Variants in CADM2 observed in about 807,000 individuals in gnomAD.
The protein encoded by CADM2 is immunoglobulin superfamily member 4D.
A neutral mutation model predicts 49.8 loss-of-function variants in CADM2; 12 were observed. The ratio of observed to expected loss-of-function variants is 0.24; its 90% CI spans 0.15 to 0.39. The LOEUF is 0.39. Ranked by LOEUF, CADM2 falls within the 10% of genes least tolerant of loss-of-function variation. The pLI, the probability that CADM2 is intolerant of heterozygous loss-of-function variation, is 1.00. For missense variants in CADM2, 378 were observed against 492.3 expected, an observed-to-expected ratio of 0.77 and a Z score of 2.20; for synonymous variants, 214 against 175.4, an observed-to-expected ratio of 1.22 and a Z score of -1.74.
intron 1 of CADM2, among the ~76,000 whole-genome samples, chr3:85,656,150 T>C (rs1161690971): frequency 1.3e-5 from 2 of 152,144 alleles, no homozygotes; most frequent in Non-Finnish European, 2.9e-5. Flanking sequence ...GCTATGATCC[T>C]AACTTTTTTA....
At chr3:85,712,593 C>G (rs964455881) in intron 1 of CADM2, among the ~76,000 whole-genome samples, 1 of 152,140 alleles carries the variant, frequency 6.6e-6, no homozygotes, top group African/African-American at 2.4e-5. Flanking sequence ...GACCTGAGTA[C>G]TGTTACCTAT....
intron 3 of CADM2, among the ~76,000 whole-genome samples, chr3:85,854,237 G>A (rs572694603): frequency 6.6e-6 from 1 of 152,126 alleles, no homozygotes; most frequent in Admixed American, 6.6e-5. Context: ...AAAATAATGT[G>A]GGTGTTCTAA....
chr3:85,754,730 G>A (rs1186998906), intron 2 of CADM2, among the ~76,000 whole-genome samples: 2 of 152,092 alleles, frequency 1.3e-5, no homozygotes, highest in African/African-American at 4.8e-5. Flanking sequence ...AGCCATTACT[G>A]ATTATTTCAA....
intron 1 of CADM2, among the ~76,000 whole-genome samples, chr3:85,108,665 CTT>C (rs2038338935): frequency 6.6e-6 from 1 of 151,434 alleles, no homozygotes; most frequent in Admixed American, 6.6e-5. Flanking sequence ...AAACAGTAAA[CTT>C]TATATTATGT....
intron 2 of CADM2, among the ~76,000 whole-genome samples, chr3:85,775,105 G>A (rs1488212507): frequency 6.6e-6 from 1 of 151,554 alleles, no homozygotes; most frequent in Non-Finnish European, 1.5e-5. Context: ...AATAAGGAGT[G>A]AACAAAATTC....
intron 1 of CADM2, among the ~76,000 whole-genome samples, chr3:85,381,768 T>C (rs2033923494): frequency 6.6e-6 from 1 of 152,038 alleles, no homozygotes; most frequent in South Asian, 2.1e-4. Context: ...GGCTGCAGGA[T>C]GTGGGATGAC....
chr3:85,502,480 T>G (rs1576668868), intron 1 of CADM2, among the ~76,000 whole-genome samples: 1 of 151,890 alleles, frequency 6.6e-6, no homozygotes. Context: ...ATATATATTG[T>G]TAAAAAAAAA....
intron 1 of CADM2, among the ~76,000 whole-genome samples, chr3:85,184,325 A>G (rs978951232): frequency 9.9e-5 from 15 of 152,158 alleles, no homozygotes; most frequent in Non-Finnish European, 7.4e-5. Context: ...TAAGTGGGAC[A>G]ATGCAGAAAA....
At chr3:85,902,502 A>C (rs1383577487) in intron 5 of CADM2, among the ~76,000 whole-genome samples, 1 of 151,836 alleles carries the variant, frequency 6.6e-6, no homozygotes, top group Non-Finnish European at 1.5e-5. Context: ...ATTTTTAATC[A>C]ACTCACCTGT....
chr3:85,330,319 A>T (rs2044881559), intron 1 of CADM2, among the ~76,000 whole-genome samples: 1 of 152,108 alleles, frequency 6.6e-6, no homozygotes, highest in Admixed American at 6.6e-5. Flanking sequence ...CTCTCATAGC[A>T]CTTATCACCT....
At chr3:85,434,660 A>G (rs1000913699) in intron 1 of CADM2, among the ~76,000 whole-genome samples, 2 of 152,126 alleles carry the variant, frequency 1.3e-5, no homozygotes, top group Non-Finnish European at 2.9e-5. Flanking sequence ...ATAAAACTTC[A>G]TTCTACGTAT....
rs150150622 is a variant in CADM2, at chr3:85,438,186, T to C, written c.62-288336T>C. On this transcript the variant is annotated intron_variant, in intron 1 of 9. Coordinates refer to ENST00000383699, the MANE Select transcript of CADM2 (RefSeq NM_001167675.2). ...CTAATCACTAAAAATCTATCCAAAA[T>C]ATTTTTATTACCAAATTCATACCAT... Among the ~76,000 whole-genome samples, 670 of 152,232 alleles carry C rather than the reference T, an allele frequency of 4.4e-3. 1 individual carries two copies. Among genetic ancestry groups the C allele is most frequent in the Middle Eastern group, 0.01 (3 of 292 alleles).
At chr3:85,766,113 A>C (rs1053507319) in intron 2 of CADM2, among the ~76,000 whole-genome samples, 1 of 152,154 alleles carries the variant, frequency 6.6e-6, no homozygotes, top group African/African-American at 2.4e-5. Flanking sequence ...GAGGAAGTAC[A>C]TAGAAGAGAG....
intron 1 of CADM2, among the ~76,000 whole-genome samples, chr3:85,641,467 C>A (rs2064709419): frequency 6.6e-6 from 1 of 152,146 alleles, no homozygotes; most frequent in South Asian, 2.1e-4. Context: ...AGATTGAAAT[C>A]AGTTGAAGCA....
chr3:85,537,124 A>G (rs2061436858), intron 1 of CADM2, among the ~76,000 whole-genome samples: 1 of 152,078 alleles, frequency 6.6e-6, no homozygotes, highest in Non-Finnish European at 1.5e-5. Flanking sequence ...TTAACACAAT[A>G]ATTGTGTGAT....
At chr3:85,244,247 C>T (rs770897200) in intron 1 of CADM2, among the ~76,000 whole-genome samples, 4 of 152,054 alleles carry the variant, frequency 2.6e-5, no homozygotes, top group Non-Finnish European at 5.9e-5. Flanking sequence ...CAAAAAAACT[C>T]AATAACACGC....
intron 1 of CADM2, among the ~76,000 whole-genome samples, chr3:85,529,574 G>T (rs2061248858): frequency 6.6e-6 from 1 of 151,954 alleles, no homozygotes; most frequent in South Asian, 2.1e-4. Flanking sequence ...GATCATCTTG[G>T]CTCTCTCTTT....
chr3:85,056,862 T>C (rs1309812604), intron 1 of CADM2, among the ~76,000 whole-genome samples: 1 of 152,034 alleles, frequency 6.6e-6, no homozygotes, highest in African/African-American at 2.4e-5. Flanking sequence ...GTAAATATAG[T>C]GTATAGATCT....
At chr3:85,744,884 G>A (rs1223015076) in intron 2 of CADM2, among the ~76,000 whole-genome samples, 1 of 152,164 alleles carries the variant, frequency 6.6e-6, no homozygotes, top group Non-Finnish European at 1.5e-5. Context: ...CAAAGCATTG[G>A]CAGGGCAGCG....
Sources: allele counts gnomAD v4.1 joint callset (sites outside exome capture counted in the v4.1 genomes callset), GRCh38; gene constraint gnomAD v4.1.1; transcripts MANE v1.5; gene names NCBI Gene and HGNC (gene_info 2026-07-23, HGNC 2026-07-21).